PSMA7: variants seen among roughly 807,000 people sequenced by gnomAD.
PSMA7 encodes the protein proteasome subunit alpha type-7.
In PSMA7, 5 loss-of-function variants were observed where a neutral mutation model predicts 31.3. That is an observed-to-expected ratio of 0.16 (90% confidence interval 0.08 to 0.34). The LOEUF is 0.34. Ranked by LOEUF, PSMA7 falls within the 10% of genes least tolerant of loss-of-function variation. The pLI is 1.00. For synonymous variants in PSMA7, 155 were observed against 121.9 expected, an observed-to-expected ratio of 1.27 and a Z score of -1.79; for missense variants, 217 against 327.5, an observed-to-expected ratio of 0.66 and a Z score of 2.60.
rs1135961 is a variant in PSMA7, at chr20:62,138,276, A to G, written c.486T>C (p.Gly162=). Residue 162 remains glycine, a synonymous_variant, in exon 5 of 7, where the codon GGT becomes GGC. Coordinates refer to ENST00000370873, the MANE Select transcript of PSMA7 (RefSeq NM_002792.4). ...ACTCGCGCACTGACTTGGCACCCCGACCTATGGCATTGGCCTAAAACAGAC... is the reference window on the plus strand; with the variant it reads ...ACTCGCGCACTGACTTGGCACCCCGGCCTATGGCATTGGCCTAAAACAGAC... ...TYHAWKANAI[G]RGAKSVREFL... is the part of the protein sequence containing the mutation. 0.86 allele frequency: 1,378,774 copies of G among 1,611,052 alleles called. 590,612 individuals are homozygous for G. The highest frequency in any genetic ancestry group is 0.91 in the African/African-American group (68,194 of 75,040).
intron 2 of PSMA7, 69 bp downstream of exon 2, chr20:62,140,748 GT>G: frequency 6.4e-7 from 1 of 1,562,636 alleles, no homozygotes; most frequent in East Asian, 2.3e-5. Context: ...ACACACCCAA[GT>G]TAATCTCCAA....
In PSMA7 at chr20:62,136,807, ATC is replaced by A; in HGVS notation, c.*48_*49del. 6 of 1,570,706 alleles carry A rather than the reference ATC, an allele frequency of 3.8e-6. No homozygotes were observed. Among genetic ancestry groups the A allele is most frequent in the Non-Finnish European group, 5.2e-6 (6 of 1,162,546 alleles). On this transcript the variant is annotated 3_prime_UTR_variant, in exon 7 of 7. Coordinates refer to ENST00000370873, the MANE Select transcript of PSMA7 (RefSeq NM_002792.4). ...TGGAAAGGCCTACACATCGAGACTC[ATC>A]CATGATTGATATGAATTTAAAAATT...
Position 62,136,887 on chromosome 20 carries a change from G to T in PSMA7, c.717C>A (p.Asn239Lys). ...VAEIEKEKEE[N>K]EKKKQKKAS ...ATGCTTTCTTTTGTTTCTTCTTTTC[G>T]TTTTCTTCTTTTTCTTTTTCAATTT... is the stretch of plus-strand genomic sequence containing the variant. Residue 239 changes from asparagine (N) to lysine (K), a missense_variant, in exon 7 of 7, where the codon AAC becomes AAA. By Grantham distance (94) the Asn-to-Lys change is moderately conservative (BLOSUM62 0). Transcript: ENST00000370873. 1 of 1,597,352 alleles carries T rather than the reference G, an allele frequency of 6.3e-7. No individual in the cohort carries two copies. Among genetic ancestry groups the T allele is most frequent in the East Asian group, 2.2e-5 (1 of 44,604 alleles).
At position 62,143,360 on chromosome 20, in the gene PSMA7, G is replaced by C; in HGVS notation, c.-57C>G. On this transcript the variant is annotated 5_prime_UTR_variant, in exon 1 of 7. Transcript: ENST00000370873. ...GCGACTCTCAAAAGCGCACACTCAC[G>C]GCCCGCGCGCACCCGCGACTCCCGG... The C allele has an allele frequency of 9.1e-7, 1 of 1,093,774 alleles. No homozygotes were observed. The allele number at this position is 1,093,774 out of a possible 1,614,324, so 67.8% of individuals were successfully genotyped here.
chr20:62,139,379 G>T, intron 3 of PSMA7, 182 bp from the exon 4 acceptor site: 2 of 826,220 alleles, frequency 2.4e-6, no homozygotes, highest in Non-Finnish European at 3.7e-6. Context: ...TTCACTCCTA[G>T]AAAAACTCAC....
Position 62,139,816 on chromosome 20 carries a change from C to A in PSMA7, c.313G>T (p.Glu105Ter). ...CTGGCGATGTAGCGGGTGATGTACT[C>A]CACAGTGACCGGGTCCTCCACAGTC... is the stretch of plus-strand genomic sequence containing the variant. ...RLTVEDPVTV[E>*]YITRYIASLK... Residue 105 changes from glutamate (E) to a stop codon, truncating the protein, a stop_gained, in exon 3 of 7, where the codon GAG (glutamate) becomes TAG (stop). Transcript: ENST00000370873. LOFTEE classifies it high-confidence loss of function. The A allele has an allele frequency of 6.2e-7, 1 of 1,614,128 alleles. No homozygotes were observed. Among genetic ancestry groups the A allele is most frequent in the Non-Finnish European group, 8.5e-7 (1 of 1,180,036 alleles).
At chr20:62,137,583 T>G in intron 5 of PSMA7, 157 bp from the exon 6 acceptor site, 1 of 697,808 alleles carries the variant, frequency 1.4e-6, no homozygotes. Context: ...CCTAAACTCA[T>G]GGCCATTTGT....
chr20:62,139,259 C>A, intron 3 of PSMA7, 62 bp from the exon 4 acceptor site: 1 of 1,575,528 alleles, frequency 6.3e-7, no homozygotes, highest in South Asian at 1.1e-5. Flanking sequence ...AGGAAAGAAC[C>A]GTACTTAGTG....
rs1483684741 is a variant in PSMA7 at position 62,136,915 on chromosome 20, G to A, written c.689C>T (p.Ala230Val). Residue 230 changes from alanine to valine, a missense_variant, in exon 7 of 7, where the codon GCT becomes GTT. Ala to Val is a moderately conservative substitution (Grantham distance 64). This residue lies in a region of PSMA7 where 88 missense variants were observed against 111.6 expected (regional missense o/e 0.79). Coordinates refer to ENST00000370873, the MANE Select transcript of PSMA7 (RefSeq NM_002792.4). Reference sequence around the variant, plus strand: ...TTCTTCTTTTTCTTTTTCAATTTCAGCAACATACTTCTCAATTTCTTCAGG... The same window carrying A: ...TTCTTCTTTTTCTTTTTCAATTTCAACAACATACTTCTCAATTTCTTCAGG... Reference protein sequence around the residue: ...LNPEEIEKYVAEIEKEKEENE... With the variant: ...LNPEEIEKYVVEIEKEKEENE... The A allele has an allele frequency of 1.2e-6, 2 of 1,601,414 alleles. No individual in the cohort carries two copies. Among genetic ancestry groups the A allele is most frequent in the Non-Finnish European group, 1.7e-6 (2 of 1,175,912 alleles).
intron 1 of PSMA7, among the ~76,000 whole-genome samples, chr20:62,141,334 G>C (rs896864902): frequency 6.6e-6 from 1 of 152,178 alleles, no homozygotes; most frequent in African/African-American, 2.4e-5. Flanking sequence ...ATCTGAACCT[G>C]GGTCCTGGGG....
At position 62,143,388 on chromosome 20, in the gene PSMA7, C is replaced by A. The variant is rs1038676891; in HGVS notation, c.-85G>T. ...CCGCGCGCACCCGCGACTCCCGGCG[C>A]CACTACGCCCGCGCCCCACCCTCGG... is the stretch of plus-strand genomic sequence containing the variant. On this transcript the variant is annotated 5_prime_UTR_variant, in exon 1 of 7. Coordinates refer to ENST00000370873, the MANE Select transcript of PSMA7 (RefSeq NM_002792.4). The A allele has an allele frequency of 2.6e-6, 2 of 757,296 alleles. No homozygotes were observed. Among genetic ancestry groups the A allele is most frequent in the South Asian group, 4.6e-5 (1 of 21,604 alleles). 46.9% of individuals were successfully genotyped at this position (757,296 alleles called of 1,614,324 possible).
rs973506353 is a variant in PSMA7, at chr20:62,139,926, C to T, written c.224-21G>A. On this transcript the variant is annotated intron_variant, in intron 2 of 6. Transcript: ENST00000370873. ...GAGGCCTGCAAGGAAAGCAGAGAGG[C>T]TTCTGCTAGAGAGACAGCACAAACT... The T allele has an allele frequency of 2.5e-6, 4 of 1,610,730 alleles. No homozygotes were observed. In the Admixed American group the frequency reaches 5.0e-5, roughly 20 times the overall value.
chr20:62,137,442 G>T lies in PSMA7; in HGVS notation c.592-16C>A. 6.2e-7 allele frequency: 1 copy of T among 1,613,738 alleles called. No homozygotes were observed. Among genetic ancestry groups the T allele is most frequent in the Non-Finnish European group, 8.5e-7 (1 of 1,179,694 alleles). ...ACTGAACCACCTTGAAGGGACAGAA[G>T]ACAGGAGCATTAACCACCTTTCCCT... On this transcript the variant is annotated splice_polypyrimidine_tract_variant and intron_variant, in intron 5 of 6. Transcript: ENST00000370873.
intron 2 of PSMA7, among the ~76,000 whole-genome samples, chr20:62,140,398 C>T (rs1176739009): frequency 6.6e-6 from 1 of 152,188 alleles, no homozygotes; most frequent in East Asian, 1.9e-4. Context: ...ATGAGCAAGA[C>T]CAAAACAGCG....
chr20:62,140,508 A>G (rs1444523922), intron 2 of PSMA7, among the ~76,000 whole-genome samples: 1 of 152,228 alleles, frequency 6.6e-6, no homozygotes, highest in Non-Finnish European at 1.5e-5. Context: ...CCACAGATGC[A>G]GTTAGCTCTA....
intron 1 of PSMA7, among the ~76,000 whole-genome samples, chr20:62,141,815 G>C (rs769771490): frequency 6.6e-6 from 1 of 152,238 alleles, no homozygotes; most frequent in East Asian, 1.9e-4. Context: ...GCTGATGCTG[G>C]AGAAGGATAT....
chr20:62,137,596 AGTCT>A, intron 5 of PSMA7, 170 bp from the exon 6 acceptor site: 1 of 664,396 alleles, frequency 1.5e-6, no homozygotes. Flanking sequence ...CCATTTGTGA[AGTCT>A]GTTTGGGATG....
chr20:62,139,596 A>G, intron 3 of PSMA7, 185 bp downstream of exon 3: 1 of 964,610 alleles, frequency 1.0e-6, no homozygotes, highest in East Asian at 2.6e-5. Flanking sequence ...AGGAACTGAG[A>G]ACAGAACAAT....
rs1224569835 is a variant in PSMA7, at chr20:62,136,872, T to C, written c.732A>G (p.Gln244=). The part of the protein sequence containing the change: ...KEKEENEKKK[Q]KKAS Reference sequence around the variant, plus strand: ...ATTTTATTCATCATGATGCTTTCTTTTGTTTCTTCTTTTCGTTTTCTTCTT... The same window carrying C: ...ATTTTATTCATCATGATGCTTTCTTCTGTTTCTTCTTTTCGTTTTCTTCTT... Residue 244 remains glutamine (Q), a synonymous_variant, in exon 7 of 7, where the codon CAA becomes CAG. Transcript: ENST00000370873. 1 of 1,597,724 alleles carries C rather than the reference T, an allele frequency of 6.3e-7. No individual in the cohort carries two copies.
Sources: allele counts gnomAD v4.1 joint callset (sites outside exome capture counted in the v4.1 genomes callset), GRCh38; gene constraint gnomAD v4.1.1; regional missense constraint gnomAD v4.1.1; transcripts MANE v1.5; gene names NCBI Gene and HGNC (gene_info 2026-07-23, HGNC 2026-07-21).